Variants in MSANTD5 observed in about 807,000 individuals in gnomAD.
The protein encoded by MSANTD5 is Myb/SANT DNA binding domain containing 5.
chr5:178,703,354 G>A, the MSANTD5 span, among the ~76,000 whole-genome samples: 1 of 152,208 alleles, frequency 6.6e-6, no homozygotes, highest in Non-Finnish European at 1.5e-5. Context: ...GTGTGAGCTG[G>A]AACACAGGAG....
chr5:178,703,026 C>T, the MSANTD5 span, among the ~76,000 whole-genome samples: 3 of 152,224 alleles, frequency 2.0e-5, no homozygotes, highest in Non-Finnish European at 4.4e-5. Flanking sequence ...CCCAGCCTTT[C>T]CCATGCCAAA....
the MSANTD5 span, among the ~76,000 whole-genome samples, chr5:178,704,633 A>T: frequency 6.6e-6 from 1 of 152,238 alleles, no homozygotes; most frequent in African/African-American, 2.4e-5. Flanking sequence ...GGGCAGAAAT[A>T]GTTGTCAACA....
At chr5:178,699,350 G>A (rs1168364576), upstream of MSANTD5, among the ~76,000 whole-genome samples, 1 of 152,122 alleles carries the variant, frequency 6.6e-6, no homozygotes, top group Non-Finnish European at 1.5e-5. Flanking sequence ...AAACAGAAAT[G>A]CAGAAATAAT....
At chr5:178,707,196 A>C in the MSANTD5 span, 1 of 152,182 alleles carries the variant, frequency 6.6e-6, no homozygotes, top group Non-Finnish European at 1.5e-5. Flanking sequence ...GAGAGAATTG[A>C]AGAATGAAGA....
downstream of MSANTD5, among the ~76,000 whole-genome samples, chr5:178,691,900 A>G (rs574307046): frequency 7.4e-5 from 10 of 134,936 alleles, 1 homozygote; most frequent in South Asian, 2.3e-3. Context: ...CCATCATTCT[A>G]AGCTCTGCTA....
At chr5:178,698,222 G>C (rs1437961253), upstream of MSANTD5, among the ~76,000 whole-genome samples, 1 of 152,204 alleles carries the variant, frequency 6.6e-6, no homozygotes. Flanking sequence ...GGGTAGGGAA[G>C]AGAGAGGCGA....
At chr5:178,692,632 C>A (rs2113850460), downstream of MSANTD5, among the ~76,000 whole-genome samples, 1 of 152,196 alleles carries the variant, frequency 6.6e-6, no homozygotes, top group Middle Eastern at 3.4e-3. Context: ...TTGATCCATG[C>A]AACAACCTGG....
upstream of MSANTD5, among the ~76,000 whole-genome samples, chr5:178,698,716 A>T (rs560936770): frequency 4.2e-4 from 59 of 139,830 alleles, no homozygotes; most frequent in African/African-American, 1.6e-3. Flanking sequence ...GGTAGCTAGG[A>T]TTACTGCAGG....
exon 2 of MSANTD5, chr5:178,696,143 C>T (rs1417520311): frequency 6.6e-6 from 1 of 152,028 alleles, no homozygotes; most frequent in Admixed American, 6.6e-5. Flanking sequence ...GCTCCATTTT[C>T]TGGATGTTTA....
At chr5:178,705,506 A>G in the MSANTD5 span, among the ~76,000 whole-genome samples, 9 of 152,158 alleles carry the variant, frequency 5.9e-5, no homozygotes, top group African/African-American at 2.2e-4. Context: ...CCTGATGATT[A>G]GCTTAAGGAT....
At chr5:178,697,310 C>A (rs931257080) in intron 1 of MSANTD5, among the ~76,000 whole-genome samples, 1 of 151,362 alleles carries the variant, frequency 6.6e-6, no homozygotes. Flanking sequence ...AAAAATTAGC[C>A]GGGCGTGGTG....
At chr5:178,696,991 G>A (rs576317661) in intron 1 of MSANTD5, among the ~76,000 whole-genome samples, 6 of 152,296 alleles carry the variant, frequency 3.9e-5, no homozygotes, top group Admixed American at 1.3e-4. Context: ...TAAAAAGTCT[G>A]CCTAGTCCAA....
chr5:178,698,494 C>T (rs1765443600), upstream of MSANTD5, among the ~76,000 whole-genome samples: 1 of 152,176 alleles, frequency 6.6e-6, no homozygotes, highest in Admixed American at 6.5e-5. Flanking sequence ...CTACTCAGCA[C>T]AATCCTAAGA....
At chr5:178,706,841 G>C in the MSANTD5 span, 1 of 152,090 alleles carries the variant, frequency 6.6e-6, no homozygotes, top group Admixed American at 6.6e-5. Context: ...GGAGCTAATG[G>C]CAGTGGCGGT....
At chr5:178,705,434 G>A in the MSANTD5 span, among the ~76,000 whole-genome samples, 4 of 152,034 alleles carry the variant, frequency 2.6e-5, no homozygotes, top group Non-Finnish European at 5.9e-5. Flanking sequence ...TGCTCTCTCT[G>A]GGTCCCCGTG....
upstream of MSANTD5, among the ~76,000 whole-genome samples, chr5:178,698,257 A>G (rs545109973): frequency 5.9e-5 from 9 of 152,312 alleles, no homozygotes; most frequent in East Asian, 1.5e-3. Flanking sequence ...TTACAAGAGG[A>G]CAGACTTGAG....
chr5:178,695,771 A>G (rs570317155), intron 2 of MSANTD5, among the ~76,000 whole-genome samples, 173 bp from the exon 3 acceptor site: 9 of 152,194 alleles, frequency 5.9e-5, no homozygotes, highest in Non-Finnish European at 1.2e-4. Context: ...CGCCTGACAC[A>G]TCCAGTCACT....
At chr5:178,696,790 C>A (rs1765417360) in intron 1 of MSANTD5, among the ~76,000 whole-genome samples, 1 of 151,852 alleles carries the variant, frequency 6.6e-6, no homozygotes, top group Non-Finnish European at 1.5e-5. Context: ...AGAAGCAGTA[C>A]TGGGGAGAGG....
downstream of MSANTD5, among the ~76,000 whole-genome samples, chr5:178,692,667 A>AT (rs2113850475): frequency 6.6e-6 from 1 of 152,226 alleles, no homozygotes; most frequent in East Asian, 1.9e-4. Flanking sequence ...AGTAACTGAA[A>AT]AAAGCTATTC....
Sources: allele counts gnomAD v4.1 joint callset (sites outside exome capture counted in the v4.1 genomes callset), GRCh38; gene constraint gnomAD v4.1.1; transcripts MANE v1.5; gene names NCBI Gene and HGNC (gene_info 2026-07-23, HGNC 2026-07-21).